Variants in CDH8 observed in about 807,000 individuals in gnomAD.
CDH8 encodes the protein cadherin 8.
In CDH8, 17 loss-of-function variants were observed where a neutral mutation model predicts 68.1. The observed-to-expected ratio is 0.25, with a 90% CI of 0.17 to 0.37. CDH8 has a LOEUF of 0.37. CDH8 is among the 10% of genes least tolerant of loss of function. The probability of loss-of-function intolerance (pLI) is 1.00; values close to 1 mark genes in which losing one functional copy is unlikely to be tolerated. For missense variants in CDH8, 763 were observed against 999.3 expected (o/e 0.76, Z 3.19); for synonymous variants, 372 against 365.1 (o/e 1.02, Z -0.21).
intron 8 of CDH8, among the ~76,000 whole-genome samples, chr16:61,762,241 G>A (rs1295612800): frequency 1.3e-5 from 2 of 152,030 alleles, no homozygotes; most frequent in African/African-American, 4.8e-5. Context: ...GACAATTGGG[G>A]CTATCTGAAT....
chr16:61,983,814 C>G (rs976279607), intron 2 of CDH8, among the ~76,000 whole-genome samples: 1 of 151,602 alleles, frequency 6.6e-6, no homozygotes, highest in African/African-American at 2.4e-5. Flanking sequence ...CTCTTTCTGG[C>G]TTACAGATGG....
Position 61,648,823 on chromosome 16 carries a change from C to A in CDH8, c.*4785G>T, listed in dbSNP as rs1476091930. The A allele has an allele frequency of 1.3e-5, 2 of 151,808 alleles. No individual in the cohort carries two copies. The highest frequency in any genetic ancestry group is 4.8e-5 in the African/African-American group (2 of 41,368). The allele number at this position is 151,808 out of a possible 1,614,324, so 9.4% of individuals were successfully genotyped here. A position where few individuals can be genotyped will look rare whatever the true frequency, so the allele number is the denominator to read the frequency against. ...GTCAGGAAATTTTTAAATTTTATGT[C>A]CTCCATAACGCTAGGTCTGTGCTCA... On this transcript the variant is annotated 3_prime_UTR_variant, in exon 12 of 12. Transcript: ENST00000577390.
intron 2 of CDH8, among the ~76,000 whole-genome samples, chr16:61,905,901 A>G (rs1222606677): frequency 6.6e-6 from 1 of 151,662 alleles, no homozygotes; most frequent in Non-Finnish European, 1.5e-5. Context: ...TCTTGAAAAA[A>G]AAGAAAAAAG....
chr16:61,905,301 A>C (rs2143289619), intron 2 of CDH8, among the ~76,000 whole-genome samples: 1 of 152,316 alleles, frequency 6.6e-6, no homozygotes, highest in South Asian at 2.1e-4. Context: ...TTAGGGAGAC[A>C]CAGACAAAGT....
intron 7 of CDH8, among the ~76,000 whole-genome samples, chr16:61,800,487 G>A (rs1231253557): frequency 1.3e-5 from 2 of 152,140 alleles, no homozygotes; most frequent in African/African-American, 2.4e-5. Flanking sequence ...GGCTTTGGAA[G>A]GGCATTTAGG....
intron 8 of CDH8, among the ~76,000 whole-genome samples, chr16:61,782,127 A>G (rs769857904): frequency 1.1e-4 from 17 of 152,308 alleles, no homozygotes; most frequent in Admixed American, 2.6e-4. Flanking sequence ...TACAGCTCCC[A>G]GCGTGAGCGA....
intron 2 of CDH8, among the ~76,000 whole-genome samples, chr16:61,965,860 G>C (rs1407484656): frequency 1.3e-5 from 2 of 152,140 alleles, no homozygotes; most frequent in Admixed American, 1.3e-4. Context: ...TTCATTTGCA[G>C]CAGCTCTTTA....
At position 61,655,530 on chromosome 16, in the gene CDH8, G is replaced by C. The variant is rs761638294; in HGVS notation, c.1846C>G (p.Pro616Ala). The C allele has an allele frequency of 1.2e-6, 2 of 1,614,082 alleles. No individual in the cohort carries two copies. The highest frequency in any genetic ancestry group is 1.1e-5 in the South Asian group (1 of 91,082). ...QSCNVEAYVL[P>A]IGLSMGALIA... ...AAGGCGCCCATACTGAGTCCAATTG[G>C]AAGGACATAAGCTTCGACATTGCAA... The change falls in exon 11 of 12, where the codon CCA becomes GCA. Residue 616 changes from proline (P) to alanine (A), a missense_variant. This residue lies in a region of CDH8 where 397 missense variants were observed against 436.2 expected (regional missense o/e 0.91). Coordinates refer to ENST00000577390, the MANE Select transcript of CDH8 (RefSeq NM_001796.5).
At chr16:62,019,547 AAC>A (rs1309582920) in intron 2 of CDH8, among the ~76,000 whole-genome samples, 2 of 152,194 alleles carry the variant, frequency 1.3e-5, no homozygotes, top group Non-Finnish European at 2.9e-5. Context: ...TATGGTAAGT[AAC>A]ACCCTCAGCA....
Position 62,010,243 on chromosome 16 carries a change from C to T in CDH8, c.252+10909G>A, listed in dbSNP as rs143282606. Among the ~76,000 whole-genome samples the T allele has an allele frequency of 1.9e-3, 288 of 152,354 alleles. 5 individuals are homozygous for T. In the East Asian group the frequency reaches 0.043, roughly 23 times the overall value. On this transcript the variant is annotated intron_variant, in intron 2 of 11. Transcript: ENST00000577390. Reference sequence around the variant, plus strand: ...TCTCTCATTGTCTGCTCAAATCTTACTAAACCTTTTACATTCTCATTATGA... The same window carrying T: ...TCTCTCATTGTCTGCTCAAATCTTATTAAACCTTTTACATTCTCATTATGA...
At chr16:61,784,583 A>G (rs374312354) in intron 8 of CDH8, among the ~76,000 whole-genome samples, 104 of 134,200 alleles carry the variant, frequency 7.7e-4, no homozygotes, top group East Asian at 1.1e-3. Context: ...TGCACCAAGC[A>G]GACCTAATAG....
chr16:61,871,641 T>C (rs914901754), intron 3 of CDH8, among the ~76,000 whole-genome samples: 4 of 150,910 alleles, frequency 2.7e-5, no homozygotes, highest in Admixed American at 2.6e-4. Context: ...AAACAACCAA[T>C]GGGAAATGTG....
intron 7 of CDH8, among the ~76,000 whole-genome samples, chr16:61,815,829 A>C (rs919004518): frequency 6.6e-6 from 1 of 152,104 alleles, no homozygotes; most frequent in Admixed American, 6.6e-5. Context: ...TTTCAGAGGA[A>C]ATTGAGAAAC....
chr16:61,870,819 T>C (rs1963342093), intron 3 of CDH8, among the ~76,000 whole-genome samples: 1 of 152,012 alleles, frequency 6.6e-6, no homozygotes, highest in Admixed American at 6.6e-5. Context: ...TCTAATCCAT[T>C]GTCAATTGCC....
At chr16:61,705,343 GT>G (rs1227028437) in intron 10 of CDH8, among the ~76,000 whole-genome samples, 1 of 152,120 alleles carries the variant, frequency 6.6e-6, no homozygotes, top group Admixed American at 6.6e-5. Flanking sequence ...ATAGGAGCTG[GT>G]AAAGGCATGA....
chr16:61,869,579 T>C (rs936645218), intron 3 of CDH8, among the ~76,000 whole-genome samples: 1 of 152,208 alleles, frequency 6.6e-6, no homozygotes, highest in African/African-American at 2.4e-5. Flanking sequence ...CATTGAAGAC[T>C]TCTTACAAAA....
chr16:61,988,138 G>GAGCT (rs1692929405), intron 2 of CDH8, among the ~76,000 whole-genome samples: 1 of 152,094 alleles, frequency 6.6e-6, no homozygotes, highest in Non-Finnish European at 1.5e-5. Flanking sequence ...TTCTAGAGAA[G>GAGCT]AGCTGCACTT....
In CDH8 at chr16:61,817,648, C is replaced by G; in HGVS notation, c.1108G>C (p.Gly370Arg). The part of the protein sequence containing the change: ...VHIDPRFSGR[G>R]PFKDTATVKI... The stretch of plus-strand genomic sequence containing the variant: ...ACTGTCGCCGTGTCTTTAAAGGGCC[C>G]CCTGCCACTGAAGCGTGGGTCAATA... The change falls in exon 7 of 12, where the codon GGG (glycine) becomes CGG (arginine). Residue 370 changes from glycine to arginine, a missense_variant. This residue lies in a region of CDH8 where 366 missense variants were observed against 563.1 expected (regional missense o/e 0.65). Transcript: ENST00000577390. 2 of 1,613,760 alleles carry G rather than the reference C, an allele frequency of 1.2e-6. No individual in the cohort carries two copies. The highest frequency in any genetic ancestry group is 8.5e-7 in the Non-Finnish European group (1 of 1,179,870).
intron 8 of CDH8, among the ~76,000 whole-genome samples, chr16:61,771,672 A>G (rs1596953000): frequency 6.6e-6 from 1 of 151,810 alleles, no homozygotes; most frequent in South Asian, 2.1e-4. Context: ...TGTCAAAAAC[A>G]TGTCAAAAAC....
Sources: gnomAD v4.1 joint callset for allele counts (sites outside exome capture counted in the v4.1 genomes callset) on GRCh38, gnomAD v4.1.1 for gene constraint, gnomAD v4.1.1 regional missense constraint, MANE v1.5 for transcripts, NCBI Gene and HGNC (gene_info 2026-07-23, HGNC 2026-07-21) for gene names.